The following TTC28 variants were observed in gnomAD, a reference collection of about 807,000 sequenced individuals.
TTC28 encodes the protein tetratricopeptide repeat domain 28.
Under a neutral mutation model 198.0 loss-of-function variants are expected in TTC28, and 61 were observed. That is an observed-to-expected ratio of 0.31 (90% CI 0.25 to 0.38). The LOEUF is 0.38. TTC28 is among the 10% of genes least tolerant of loss of function. The pLI is 1.00. For synonymous variants in TTC28, 1,171 were observed against 1,297.8 expected, an observed-to-expected ratio of 0.90 and a Z score of 2.10; for missense variants, 2,678 against 3,164.0, an observed-to-expected ratio of 0.85 and a Z score of 3.69.
At chr22:28,248,403 A>T (rs1284086965) in intron 5 of TTC28, among the ~76,000 whole-genome samples, 2 of 152,198 alleles carry the variant, frequency 1.3e-5, no homozygotes, top group Admixed American at 1.3e-4. Context: ...GTTAATTCCA[A>T]AGGTGCTCTT....
At chr22:28,072,454 C>T (rs1038486717) in intron 12 of TTC28, among the ~76,000 whole-genome samples, 1 of 152,176 alleles carries the variant, frequency 6.6e-6, no homozygotes, top group African/African-American at 2.4e-5. Flanking sequence ...AATTGTCCAT[C>T]TGTATTATTG....
chr22:28,423,726 G>T (rs559877108), intron 2 of TTC28, among the ~76,000 whole-genome samples: 1 of 152,324 alleles, frequency 6.6e-6, no homozygotes, highest in Admixed American at 6.5e-5. Flanking sequence ...TGACAAAGAG[G>T]AGGATGATGG....
chr22:28,018,894 C>A (rs1601522712), intron 13 of TTC28, among the ~76,000 whole-genome samples: 1 of 152,224 alleles, frequency 6.6e-6, no homozygotes, highest in South Asian at 2.1e-4. Flanking sequence ...CTTGCCTCCA[C>A]CATCATTAGT....
chr22:28,023,251 C>T (rs972016028), intron 13 of TTC28, among the ~76,000 whole-genome samples: 3 of 152,230 alleles, frequency 2.0e-5, no homozygotes, highest in Middle Eastern at 3.2e-3. Context: ...TGGTGGTGCC[C>T]GGCCTCTGCC....
chr22:28,160,873 T>C (rs1418755623), intron 6 of TTC28, among the ~76,000 whole-genome samples: 3 of 152,268 alleles, frequency 2.0e-5, no homozygotes, highest in South Asian at 2.1e-4. Context: ...CAAAAGCCAA[T>C]GCAGAAGATA....
chr22:28,470,203 T>C (rs1238866559), intron 2 of TTC28, among the ~76,000 whole-genome samples: 4 of 152,200 alleles, frequency 2.6e-5, no homozygotes, highest in African/African-American at 9.6e-5. Flanking sequence ...GGTAATTTAT[T>C]ACAGTGGCAA....
chr22:28,192,001 T>C (rs1924837161), intron 5 of TTC28, among the ~76,000 whole-genome samples: 1 of 152,090 alleles, frequency 6.6e-6, no homozygotes, highest in Non-Finnish European at 1.5e-5. Context: ...CTCAGGTGGG[T>C]CCCTGACCGC....
In TTC28 at chr22:28,679,705, G is replaced by T; in HGVS notation, c.19C>A (p.Pro7Thr). 2 of 1,285,144 alleles carry T rather than the reference G, an allele frequency of 1.6e-6. No homozygotes were observed. The highest frequency in any genetic ancestry group is 2.0e-6 in the Non-Finnish European group (2 of 1,017,112). 79.6% of individuals were successfully genotyped at this position (1,285,144 alleles called of 1,614,324 possible). Residue 7 changes from proline to threonine, a missense_variant, in exon 1 of 23, where the codon CCG (proline) becomes ACG (threonine). Around this residue, in one of 8 missense-constraint regions of TTC28, gnomAD observed 22 missense variants for 55.0 expected, o/e 0.40. Coordinates refer to ENST00000397906, the MANE Select transcript of TTC28 (RefSeq NM_001145418.2). ...GGCCCTTGGGTCGGCTCGGGCGCCG[G>T]CGGCGGCGACTGCTCCATCCCCACG... Reference protein sequence around the residue: MEQSPPPAPEPTQGPTP... With the variant: MEQSPPTAPEPTQGPTP...
rs561906041 is a variant in TTC28, at chr22:28,569,977, G to C, written c.381+59575C>G. ...ATGCTCAACATCACTGATCATTAGA[G>C]AAATGCAAATCAAAACCACAGTGAG... On this transcript the variant is annotated intron_variant, in intron 2 of 22. Transcript: ENST00000397906. 3.9e-5 allele frequency among the ~76,000 whole-genome samples: 6 copies of C among 152,270 alleles called. No individual in the cohort carries two copies. The South Asian group carries it at 1.2e-3, about 32-fold the overall frequency.
intron 2 of TTC28, among the ~76,000 whole-genome samples, chr22:28,347,277 A>C (rs1362036481): frequency 1.3e-5 from 2 of 151,476 alleles, no homozygotes; most frequent in Non-Finnish European, 2.9e-5. Flanking sequence ...AGAGGAAAAA[A>C]AAAAAAAACA....
chr22:28,493,667 G>C (rs1464664171), intron 2 of TTC28, among the ~76,000 whole-genome samples: 1 of 152,176 alleles, frequency 6.6e-6, no homozygotes, highest in Non-Finnish European at 1.5e-5. Flanking sequence ...AGTTATTAGT[G>C]TCTCATGATA....
chr22:28,113,110 C>G (rs972533084), intron 6 of TTC28, among the ~76,000 whole-genome samples: 2 of 152,206 alleles, frequency 1.3e-5, no homozygotes, highest in African/African-American at 2.4e-5. Context: ...CCAGCAAAGA[C>G]CAAGGGAGGT....
chr22:28,427,907 T>C (rs995551627), intron 2 of TTC28, among the ~76,000 whole-genome samples: 3 of 152,160 alleles, frequency 2.0e-5, no homozygotes, highest in African/African-American at 7.2e-5. Context: ...ACCCTCACAA[T>C]GTGCCAAATG....
At position 28,472,627 on chromosome 22, in the gene TTC28, G is replaced by A. The variant is rs142473156; in HGVS notation, c.381+156925C>T. 5.5e-3 allele frequency among the ~76,000 whole-genome samples: 817 copies of A among 149,620 alleles called. 5 individuals are homozygous for A. Among genetic ancestry groups the A allele is most frequent in the African/African-American group, 0.019 (785 of 40,738 alleles). Reference sequence around the variant, plus strand: ...ATATATAAAGAATGAAACTGCAACCGTAAAATAAGAACAGGTTACTTTTAA... The same window carrying A: ...ATATATAAAGAATGAAACTGCAACCATAAAATAAGAACAGGTTACTTTTAA... On this transcript the variant is annotated intron_variant, in intron 2 of 22. Coordinates refer to ENST00000397906, the MANE Select transcript of TTC28 (RefSeq NM_001145418.2).
chr22:28,160,010 A>C (rs1920996581), intron 6 of TTC28, among the ~76,000 whole-genome samples: 1 of 152,180 alleles, frequency 6.6e-6, no homozygotes, highest in Non-Finnish European at 1.5e-5. Context: ...AAATCAAAAC[A>C]ATTGAAGTCA....
chr22:28,407,424 G>C (rs915796374), intron 2 of TTC28, among the ~76,000 whole-genome samples: 1 of 152,008 alleles, frequency 6.6e-6, no homozygotes, highest in Non-Finnish European at 1.5e-5. Flanking sequence ...CCAGGTTCGG[G>C]AATATGGAAG....
At chr22:28,171,501 T>G (rs770947235) in intron 5 of TTC28, among the ~76,000 whole-genome samples, 2 of 152,158 alleles carry the variant, frequency 1.3e-5, no homozygotes, top group Non-Finnish European at 2.9e-5. Context: ...AGAACACTTT[T>G]ATTAATATTT....
rs1228493303 is a variant in TTC28 at position 28,032,292 on chromosome 22, GTGTA to G, written c.3933-1930_3933-1927del. Among the ~76,000 whole-genome samples, 55 of 113,114 alleles carry G rather than the reference GTGTA, an allele frequency of 4.9e-4. 6 individuals are homozygous for G. Among genetic ancestry groups the G allele is most frequent in the South Asian group, 2.9e-3 (10 of 3,482 alleles). 74.2% of individuals were successfully genotyped at this position (113,114 alleles called of 152,430 possible). Reference sequence around the variant, plus strand: ...AGTGTGTGTGTGTGTGTGTGTGTGTGTGTATATGTGTGTGTTTGTATATATATAT... The same window carrying G: ...AGTGTGTGTGTGTGTGTGTGTGTGTGTATGTGTGTGTTTGTATATATATAT... On this transcript the variant is annotated intron_variant, in intron 12 of 22. Transcript: ENST00000397906.
chr22:28,000,171 G>A (rs1476024920), intron 15 of TTC28: 1 of 152,230 alleles, frequency 6.6e-6, no homozygotes, highest in African/African-American at 2.4e-5. Context: ...ATCAGCTATG[G>A]AAACTTGAGA....
Sources: gnomAD v4.1 joint callset for allele counts (sites outside exome capture counted in the v4.1 genomes callset) on GRCh38, gnomAD v4.1.1 for gene constraint, gnomAD v4.1.1 regional missense constraint, MANE v1.5 for transcripts, NCBI Gene and HGNC (gene_info 2026-07-23, HGNC 2026-07-21) for gene names.